DGKH: variants seen among roughly 807,000 people sequenced by gnomAD.
DGKH encodes DAG kinase eta.
Under a neutral mutation model 159.3 loss-of-function variants are expected in DGKH, and 90 were observed. The ratio of observed to expected loss-of-function variants is 0.57; its 90% CI spans 0.48 to 0.67. DGKH has a LOEUF of 0.67. DGKH is among the 30% of genes least tolerant of loss of function. The pLI is 0.00. For missense variants in DGKH, 1,181 were observed against 1,506.1 expected, an observed-to-expected ratio of 0.78 and a Z score of 3.57; for synonymous variants, 536 against 553.8, an observed-to-expected ratio of 0.97 and a Z score of 0.45.
rs139863787 is a variant in DGKH, at chr13:42,042,004, G to A, written c.-13+1878G>A. ...TACGCTCTCAGCTCCTTTGCCCAGA[G>A]TACCTCCTTTGCCCAGAGTACGTTT... On this transcript the variant is annotated intron_variant, in intron 1 of 29. Transcript: ENST00000379274. Among the ~76,000 whole-genome samples the A allele has an allele frequency of 7.9e-3, 1,202 of 152,224 alleles. 14 individuals are homozygous for A. Among genetic ancestry groups the A allele is most frequent in the Non-Finnish European group, 0.012 (806 of 68,012 alleles).
rs1469956524 is a variant in DGKH at position 42,202,177 on chromosome 13, A to G, written c.2493+2268A>G. On this transcript the variant is annotated intron_variant, in intron 20 of 29. Transcript: ENST00000337343. The stretch of plus-strand genomic sequence containing the variant: ...AAATGAAAACATGTTAATATACATA[A>G]AAATAAAGTAGAAAAAGTAGAGCAC... Among the ~76,000 whole-genome samples, 6 of 152,250 alleles carry G rather than the reference A, an allele frequency of 3.9e-5. No homozygotes were observed. The South Asian group carries it at 8.3e-4, about 21-fold the overall frequency.
chr13:42,087,994 G>A (rs1012126222), intron 1 of DGKH, among the ~76,000 whole-genome samples: 3 of 152,042 alleles, frequency 2.0e-5, no homozygotes, highest in African/African-American at 7.2e-5. Context: ...GAAACCAGGA[G>A]TAAGGAGAAA....
At chr13:42,048,260 AG>A (rs1230797249), upstream of DGKH, among the ~76,000 whole-genome samples, 1 of 149,928 alleles carries the variant, frequency 6.7e-6, no homozygotes, top group African/African-American at 2.5e-5. This position sits in a 1 kb window ranked among gnomAD's most constrained non-coding sequence, Gnocchi z 6.7. Flanking sequence ...GGTGCACCCA[AG>A]GGTGCTGGGA....
intron 20 of DGKH, among the ~76,000 whole-genome samples, chr13:42,204,213 T>C (rs1254123256): frequency 2.6e-5 from 4 of 152,208 alleles, no homozygotes; most frequent in African/African-American, 7.2e-5. Context: ...AGTCATATGA[T>C]TTAAAGCAGC....
chr13:42,224,118 A>G (rs1002331188), intron 29 of DGKH, among the ~76,000 whole-genome samples: 6 of 152,260 alleles, frequency 3.9e-5, no homozygotes, highest in East Asian at 1.9e-4. Context: ...TAATATTCCA[A>G]TGTATATATG....
intron 21 of DGKH, among the ~76,000 whole-genome samples, chr13:42,207,062 C>CT (rs1555276050): frequency 0.18 from 11,673 of 65,336 alleles, 3,009 homozygotes; most frequent in Non-Finnish European, 0.21. Context: ...TCTTTCCTTC[C>CT]TTCTTTCTTT....
chr13:42,075,678 G>A (rs573861386), intron 1 of DGKH, among the ~76,000 whole-genome samples: 1 of 152,190 alleles, frequency 6.6e-6, no homozygotes, highest in South Asian at 2.1e-4. Context: ...GTGCAGGTGG[G>A]GACTCTTTTA....
intron 1 of DGKH, among the ~76,000 whole-genome samples, chr13:42,116,187 C>G (rs942293571): frequency 5.9e-5 from 9 of 152,166 alleles, no homozygotes; most frequent in African/African-American, 2.2e-4. Context: ...CAGATAGATT[C>G]ATGATGTTAC....
chr13:42,210,020 C>G (rs1160810705), intron 23 of DGKH, among the ~76,000 whole-genome samples: 1 of 130,450 alleles, frequency 7.7e-6, no homozygotes, highest in Non-Finnish European at 1.6e-5. Flanking sequence ...TTTACTGTCT[C>G]TATTATTTTT....
At position 42,061,988 on chromosome 13, in the gene DGKH, G is replaced by GTGTGTGTGTGTGT. The variant is rs1555256128; in HGVS notation, c.192+13023_192+13024insTGTGTGTGTGTGT. Reference sequence around the variant, plus strand: ...GAGAAAGATGGAGAGTGTGTGTGTGGGTGTGTGTGTGTGTGTGTGTGTAAA... The same window carrying GTGTGTGTGTGTGT: ...GAGAAAGATGGAGAGTGTGTGTGTGGTGTGTGTGTGTGTGTGTGTGTGTGTGTGTGTGTGTAAA... On this transcript the variant is annotated intron_variant, in intron 1 of 29. Coordinates refer to ENST00000337343, the MANE Select transcript of DGKH (RefSeq NM_178009.5). Among the ~76,000 whole-genome samples, 126 of 149,786 alleles carry GTGTGTGTGTGTGT rather than the reference G, an allele frequency of 8.4e-4. 1 individual carries two copies. In the Middle Eastern group the frequency reaches 0.021, roughly 25 times the overall value.
Position 42,238,153 on chromosome 13 carries a change from A to G in DGKH, c.*8965A>G, listed in dbSNP as rs1234021955. ...GTACTTGGTAACGTTTCTTTTACTA[A>G]AGGAATTATATAAGTATGAATCATA... On this transcript the variant is annotated 3_prime_UTR_variant, in exon 30 of 30. Transcript: ENST00000337343. 1.3e-5 allele frequency: 2 copies of G among 152,296 alleles called. No individual in the cohort carries two copies. The highest frequency in any genetic ancestry group is 4.8e-5 in the African/African-American group (2 of 41,572). The allele number at this position is 152,296 out of a possible 1,614,324, so 9.4% of individuals were successfully genotyped here.
chr13:42,058,509 A>T (rs1021034263), intron 1 of DGKH, among the ~76,000 whole-genome samples: 6 of 152,242 alleles, frequency 3.9e-5, no homozygotes, highest in African/African-American at 1.4e-4. Context: ...GGAGTGAGCC[A>T]GCGGCATAGA....
At chr13:42,051,210 T>G (rs1293551946) in intron 1 of DGKH, among the ~76,000 whole-genome samples, 1 of 152,274 alleles carries the variant, frequency 6.6e-6, no homozygotes, top group African/African-American at 2.4e-5. Flanking sequence ...AAATCAAATA[T>G]TGCTTGAATT....
At chr13:42,074,030 C>T (rs747429384) in intron 1 of DGKH, among the ~76,000 whole-genome samples, 8 of 152,240 alleles carry the variant, frequency 5.3e-5, no homozygotes, top group Non-Finnish European at 1.0e-4. Context: ...AGACTGTCTA[C>T]AACAGGAAAG....
At chr13:42,252,318 T>C (rs901476215) in intron 29 of DGKH, 1 of 152,200 alleles carries the variant, frequency 6.6e-6, no homozygotes, top group Non-Finnish European at 1.5e-5. Context: ...GCATGTAGAA[T>C]TGTCTATTTT....
upstream of DGKH, among the ~76,000 whole-genome samples, chr13:42,048,080 G>A (rs1880926296): frequency 6.6e-6 from 1 of 150,654 alleles, no homozygotes; most frequent in Admixed American, 6.6e-5. This position sits in a 1 kb window ranked among gnomAD's most constrained non-coding sequence, Gnocchi z 6.7. Context: ...GGGACCCGAC[G>A]GCCCTGGCGG....
chr13:42,057,030 C>T (rs988404450), intron 1 of DGKH, among the ~76,000 whole-genome samples: 3 of 152,036 alleles, frequency 2.0e-5, no homozygotes, highest in Non-Finnish European at 2.9e-5. Context: ...TAAAAAATTC[C>T]AGCTGAAATT....
chr13:42,218,700 G>A lies in DGKH; in HGVS notation c.3214-530G>A, dbSNP rs139833913. 6.3e-3 allele frequency among the ~76,000 whole-genome samples: 962 copies of A among 151,874 alleles called. 9 individuals carry two copies. Among genetic ancestry groups the A allele is most frequent in the African/African-American group, 0.022 (902 of 41,422 alleles). ...ATTTTTGTATTTTTAGTAGAGGCGG[G>A]GTTTCATCATGTTGGCCAGTCTGGT... On this transcript the variant is annotated intron_variant, in intron 26 of 29. Transcript: ENST00000337343.
intron 3 of DGKH, among the ~76,000 whole-genome samples, chr13:42,141,157 G>T (rs1386563093): frequency 1.3e-5 from 2 of 150,064 alleles, no homozygotes; most frequent in East Asian, 2.0e-4. Context: ...GCAGTGTTTG[G>T]TTTTTTGTCC....
Sources: gnomAD v4.1 joint callset for allele counts (sites outside exome capture counted in the v4.1 genomes callset) on GRCh38, gnomAD v4.1.1 for gene constraint, Gnocchi (gnomAD v3.1) non-coding constraint, MANE v1.5 for transcripts, NCBI Gene and HGNC (gene_info 2026-07-23, HGNC 2026-07-21) for gene names.